The following MAML2 variants were observed in gnomAD, a reference collection of about 807,000 sequenced individuals.
The protein encoded by MAML2 is mastermind like transcriptional coactivator 2, also known as mastermind-like protein 2.
Under a neutral mutation model 96.1 loss-of-function variants are expected in MAML2, and 22 were observed. The ratio of observed to expected loss-of-function variants is 0.23; its 90% CI spans 0.16 to 0.33. The LOEUF is 0.33. MAML2 is among the 10% of genes least tolerant of loss of function. The pLI is 1.00. For missense variants in MAML2, 1,367 were observed against 1,392.4 expected (o/e 0.98, Z 0.29); for synonymous variants, 561 against 521.3 (o/e 1.08, Z -1.04).
intron 2 of MAML2, among the ~76,000 whole-genome samples, chr11:96,038,752 C>A (rs1194238445): frequency 1.3e-5 from 2 of 152,156 alleles, no homozygotes; most frequent in African/African-American, 4.8e-5. Flanking sequence ...AACTCTCTAC[C>A]TTGCTTAATT....
chr11:96,125,319 G>A (rs72971809), intron 1 of MAML2, among the ~76,000 whole-genome samples: 48 of 152,214 alleles, frequency 3.2e-4, no homozygotes, highest in Non-Finnish European at 3.4e-4. Context: ...GCCACACTGT[G>A]CAGAGATGGT....
chr11:96,039,940 A>G (rs1452125247), intron 2 of MAML2, among the ~76,000 whole-genome samples: 5 of 146,406 alleles, frequency 3.4e-5, no homozygotes, highest in African/African-American at 1.3e-4. Flanking sequence ...CCTGAGCGAC[A>G]GTGACAGAGC....
chr11:96,221,279 C>T lies in MAML2; in HGVS notation c.513+120104G>A, dbSNP rs980091770. Among the ~76,000 whole-genome samples the T allele has an allele frequency of 3.3e-5, 5 of 152,236 alleles. No individual in the cohort carries two copies. The East Asian group carries it at 9.7e-4, about 29-fold the overall frequency. ...GTTAACCACAGAGAAGGACATGTTC[C>T]CAAGTTTCCACCTATTCACTTCTTG... On this transcript the variant is annotated intron_variant, in intron 1 of 4. Coordinates refer to ENST00000524717, the MANE Select transcript of MAML2 (RefSeq NM_032427.4).
intron 1 of MAML2, among the ~76,000 whole-genome samples, chr11:96,275,519 T>C (rs562607158): frequency 1.3e-5 from 2 of 152,268 alleles, no homozygotes; most frequent in South Asian, 4.1e-4. Flanking sequence ...TCCACCCGCC[T>C]TGACCTCCCA....
chr11:96,080,985 GCATTTTAATTATGCATTCCTAT>G (rs1350818517), intron 2 of MAML2, among the ~76,000 whole-genome samples: 2 of 152,120 alleles, frequency 1.3e-5, no homozygotes, highest in Non-Finnish European at 2.9e-5. Context: ...AATATAATGG[GCATTTTAATTATGCATTCCTAT>G]AAGGTCTGTA....
intron 2 of MAML2, among the ~76,000 whole-genome samples, chr11:96,067,210 T>C (rs963927833): frequency 1.3e-5 from 2 of 152,212 alleles, no homozygotes; most frequent in South Asian, 4.1e-4. Flanking sequence ...CAGAACTGTT[T>C]CTTCTGCTGG....
intron 1 of MAML2, among the ~76,000 whole-genome samples, chr11:96,302,221 A>C (rs1446134455): frequency 6.6e-6 from 1 of 151,420 alleles, no homozygotes; most frequent in Non-Finnish European, 1.5e-5. Context: ...TATAAAGAAG[A>C]ATGTTTCTAT....
chr11:96,334,328 T>C (rs1863890364), intron 1 of MAML2, among the ~76,000 whole-genome samples: 1 of 152,208 alleles, frequency 6.6e-6, no homozygotes, highest in African/African-American at 2.4e-5. Context: ...TATTGAGCCT[T>C]TACGAGGTGC....
chr11:95,985,370 C>G (rs562440904), intron 4 of MAML2, among the ~76,000 whole-genome samples, 161 bp downstream of exon 4: 200 of 152,184 alleles, frequency 1.3e-3, no homozygotes, highest in Non-Finnish European at 1.7e-3. Flanking sequence ...GATGAAAGGA[C>G]TAAAAAATAT....
chr11:96,189,133 G>A lies in MAML2; in HGVS notation c.514-95616C>T, dbSNP rs530474771. ...ACCACCTCTGCACCCATTATTCACC[G>A]GCCATATCTAGTTTAATACAAGAGG... On this transcript the variant is annotated intron_variant, in intron 1 of 4. Coordinates refer to ENST00000524717, the MANE Select transcript of MAML2 (RefSeq NM_032427.4). 6.8e-4 allele frequency among the ~76,000 whole-genome samples: 102 copies of A among 150,994 alleles called. 3 individuals carry two copies. Among genetic ancestry groups the A allele is most frequent in the Middle Eastern group, 6.8e-3 (2 of 292 alleles).
intron 1 of MAML2, among the ~76,000 whole-genome samples, chr11:96,165,604 G>A (rs1271884342): frequency 6.6e-6 from 1 of 152,068 alleles, no homozygotes; most frequent in East Asian, 1.9e-4. Flanking sequence ...CCAATTCGTT[G>A]TTTCTTGCAC....
At chr11:96,179,600 G>A (rs1246645568) in intron 1 of MAML2, among the ~76,000 whole-genome samples, 1 of 152,150 alleles carries the variant, frequency 6.6e-6, no homozygotes, top group Non-Finnish European at 1.5e-5. Context: ...GGTCTCTGAA[G>A]GTTAGATGAT....
At chr11:96,157,749 A>C (rs767868712) in intron 1 of MAML2, among the ~76,000 whole-genome samples, 8 of 152,260 alleles carry the variant, frequency 5.3e-5, no homozygotes, top group Non-Finnish European at 1.0e-4. Flanking sequence ...ATATAGATAT[A>C]GATAAAGCTT....
At chr11:96,150,041 G>A (rs960953220) in intron 1 of MAML2, among the ~76,000 whole-genome samples, 4 of 152,026 alleles carry the variant, frequency 2.6e-5, no homozygotes, top group Non-Finnish European at 5.9e-5. Context: ...GGATATCTTC[G>A]CCTGAATATT....
In MAML2 at chr11:96,161,320, C is replaced by T. The variant is rs191225721; in HGVS notation, c.514-67803G>A. Among the ~76,000 whole-genome samples, 8 of 152,300 alleles carry T rather than the reference C, an allele frequency of 5.3e-5. No homozygotes were observed. In the East Asian group the frequency reaches 7.7e-4, roughly 15 times the overall value. On this transcript the variant is annotated intron_variant, in intron 1 of 4. Coordinates refer to ENST00000524717, the MANE Select transcript of MAML2 (RefSeq NM_032427.4). ...AAATAGGCATTTGAGGGAAAAGTTC[C>T]TTTAGAATGTATTTTTCTATTTGTA...
At chr11:96,277,421 T>C (rs1863004931) in intron 1 of MAML2, among the ~76,000 whole-genome samples, 1 of 152,172 alleles carries the variant, frequency 6.6e-6, no homozygotes, top group African/African-American at 2.4e-5. Flanking sequence ...CAAAATATTG[T>C]TGCTAAGTAC....
chr11:96,321,771 T>C (rs757591649), intron 1 of MAML2, among the ~76,000 whole-genome samples: 1 of 152,236 alleles, frequency 6.6e-6, no homozygotes, highest in Non-Finnish European at 1.5e-5. Flanking sequence ...CCAACACTAT[T>C]CCCTCCACAT....
At chr11:96,168,176 C>G (rs546205256) in intron 1 of MAML2, among the ~76,000 whole-genome samples, 1 of 152,240 alleles carries the variant, frequency 6.6e-6, no homozygotes, top group East Asian at 1.9e-4. Flanking sequence ...GTTTGCTCCT[C>G]CGTTGAATGA....
intron 1 of MAML2, among the ~76,000 whole-genome samples, chr11:96,225,184 G>A (rs1235559184): frequency 6.6e-6 from 1 of 152,166 alleles, no homozygotes; most frequent in Non-Finnish European, 1.5e-5. Flanking sequence ...CAAAATAGAG[G>A]GGAAGGAAGT....
Sources: allele counts gnomAD v4.1 joint callset (sites outside exome capture counted in the v4.1 genomes callset), GRCh38; gene constraint gnomAD v4.1.1; transcripts MANE v1.5; gene names NCBI Gene and HGNC (gene_info 2026-07-23, HGNC 2026-07-21).